L3MBTL4: variants seen among roughly 807,000 people sequenced by gnomAD.
L3MBTL4 encodes lethal(3)malignant brain tumor-like protein 4.
A neutral mutation model predicts 84.5 loss-of-function variants in L3MBTL4; 70 were observed. The observed-to-expected ratio is 0.83, with a 90% CI of 0.68 to 1.01. L3MBTL4 has a LOEUF of 1.01. Ranked by LOEUF, L3MBTL4 falls within the 50% of genes least tolerant of loss-of-function variation. L3MBTL4 has a pLI of 0.00. For missense variants in L3MBTL4, 715 were observed against 754.8 expected, an observed-to-expected ratio of 0.95 and a Z score of 0.62; for synonymous variants, 274 against 259.8, an observed-to-expected ratio of 1.05 and a Z score of -0.52.
intron 1 of L3MBTL4, among the ~76,000 whole-genome samples, chr18:6,404,210 T>A (rs1758019355): frequency 6.6e-6 from 1 of 152,184 alleles, no homozygotes; most frequent in Non-Finnish European, 1.5e-5. Context: ...CTTACCCATG[T>A]GATAAAAACC....
At chr18:6,405,790 T>C (rs2055710335) in intron 1 of L3MBTL4, among the ~76,000 whole-genome samples, 2 of 152,336 alleles carry the variant, frequency 1.3e-5, no homozygotes, top group South Asian at 4.1e-4. Context: ...GGAATGCAGC[T>C]GAAGAAATAA....
In L3MBTL4 at chr18:6,414,179, C is replaced by G. The variant is rs1264068418; in HGVS notation, c.-91+622G>C. 6.6e-6 allele frequency: 1 copy of G among 152,332 alleles called. No homozygotes were observed. Among genetic ancestry groups the G allele is most frequent in the Non-Finnish European group, 1.5e-5 (1 of 68,136 alleles). 9.4% of individuals were successfully genotyped at this position (152,332 alleles called of 1,614,324 possible). A position where few individuals can be genotyped will look rare whatever the true frequency, so the allele number is the denominator to read the frequency against. On this transcript the variant is annotated intron_variant, in intron 1 of 18. Transcript: ENST00000317931. This position sits in a 1 kb window ranked among gnomAD's most constrained non-coding sequence, Gnocchi z 5.4. Reference sequence around the variant, plus strand: ...GTCCCAGGCTGGCCAGGCGCCCGCCCGCCCTGCGCGCACTCCCTGGGCTCC... The same window carrying G: ...GTCCCAGGCTGGCCAGGCGCCCGCCGGCCCTGCGCGCACTCCCTGGGCTCC...
At chr18:6,084,339 C>G (rs142209489) in intron 15 of L3MBTL4, among the ~76,000 whole-genome samples, 179 of 152,182 alleles carry the variant, frequency 1.2e-3, no homozygotes, top group Non-Finnish European at 2.1e-3. Flanking sequence ...TAGCAGAGAC[C>G]TTTATAGCTG....
intron 1 of L3MBTL4, among the ~76,000 whole-genome samples, chr18:6,327,079 C>A (rs887529991): frequency 6.6e-6 from 1 of 152,192 alleles, no homozygotes; most frequent in African/African-American, 2.4e-5. Context: ...TATAAGTATC[C>A]TCTTCTACCC....
chr18:6,363,779 A>G (rs1318180079), intron 1 of L3MBTL4, among the ~76,000 whole-genome samples: 1 of 152,186 alleles, frequency 6.6e-6, no homozygotes, highest in Non-Finnish European at 1.5e-5. Flanking sequence ...TCCCATGCCC[A>G]CTTAACCACT....
At chr18:6,089,835 T>C (rs934410753) in intron 15 of L3MBTL4, among the ~76,000 whole-genome samples, 3 of 152,234 alleles carry the variant, frequency 2.0e-5, no homozygotes, top group Non-Finnish European at 4.4e-5. Flanking sequence ...ATTGCTAATG[T>C]ACTGTACTGA....
intron 16 of L3MBTL4, among the ~76,000 whole-genome samples, chr18:6,009,260 T>C (rs2054626453): frequency 6.6e-6 from 1 of 152,062 alleles, no homozygotes; most frequent in South Asian, 2.1e-4. Flanking sequence ...ACAGTACAGG[T>C]AGGTGTTAGT....
intron 16 of L3MBTL4, among the ~76,000 whole-genome samples, chr18:6,020,812 T>C (rs942905307): frequency 2.0e-5 from 3 of 152,098 alleles, no homozygotes; most frequent in African/African-American, 7.2e-5. Context: ...ATAATAAATT[T>C]GGTTTGGACT....
At chr18:6,124,883 G>T (rs8096964) in intron 14 of L3MBTL4, among the ~76,000 whole-genome samples, 45,598 of 151,734 alleles carry the variant, frequency 0.3, 7,229 homozygotes, top group East Asian at 0.49. Context: ...GATCTCTATT[G>T]CTTTAAAAAT....
chr18:6,002,660 T>C (rs1250066709), intron 16 of L3MBTL4, among the ~76,000 whole-genome samples: 1 of 151,956 alleles, frequency 6.6e-6, no homozygotes, highest in African/African-American at 2.4e-5. Context: ...ATAATGTACA[T>C]GGTCATCACA....
intron 1 of L3MBTL4, chr18:6,396,978 C>T (rs577497648): frequency 8.4e-4 from 128 of 152,180 alleles, no homozygotes; most frequent in African/African-American, 2.9e-3. Flanking sequence ...AACAAGTAAA[C>T]GTTTTAAGTG....
intron 1 of L3MBTL4, among the ~76,000 whole-genome samples, chr18:6,362,895 AG>A (rs1481600353): frequency 2.0e-5 from 3 of 152,258 alleles, no homozygotes; most frequent in Admixed American, 6.5e-5. Flanking sequence ...AGGCTGGAGA[AG>A]GAAGTGTGGG....
intron 16 of L3MBTL4, chr18:6,017,606 C>T (rs888048693): frequency 2.0e-5 from 3 of 152,136 alleles, no homozygotes; most frequent in African/African-American, 7.2e-5. Flanking sequence ...AGGAGGCAGA[C>T]TCTTGGGTAA....
At chr18:6,080,012 A>C (rs190068192) in intron 16 of L3MBTL4, 134 of 152,372 alleles carry the variant, frequency 8.8e-4, no homozygotes, top group African/African-American at 2.9e-3. Flanking sequence ...CTCTGCCTGA[A>C]GTGAGCAGTT....
intron 1 of L3MBTL4, among the ~76,000 whole-genome samples, chr18:6,366,724 A>G (rs143702900): frequency 7.9e-5 from 12 of 152,358 alleles, no homozygotes; most frequent in African/African-American, 1.4e-4. Flanking sequence ...ATGTTGTGAC[A>G]GGAAAACTCA....
chr18:6,143,789 T>C lies in L3MBTL4; in HGVS notation c.1097-5493A>G, dbSNP rs773616365. 1.2e-4 allele frequency among the ~76,000 whole-genome samples: 18 copies of C among 152,314 alleles called. No homozygotes were observed. In the South Asian group the frequency reaches 1.2e-3, roughly 11 times the overall value. ...TCTCCCTTCACTAGAGTGAGGACATTTACCTTATCTAACTTGTCTACCACT... is the reference window on the plus strand; with the variant it reads ...TCTCCCTTCACTAGAGTGAGGACATCTACCTTATCTAACTTGTCTACCACT... On this transcript the variant is annotated intron_variant, in intron 13 of 18. Coordinates refer to ENST00000317931, the MANE Select transcript of L3MBTL4 (RefSeq NM_001330559.2).
At chr18:6,339,992 AT>A (rs972780831) in intron 1 of L3MBTL4, among the ~76,000 whole-genome samples, 1 of 152,154 alleles carries the variant, frequency 6.6e-6, no homozygotes, top group Admixed American at 6.5e-5. Context: ...TCTTCCAAAT[AT>A]TTTTTTAAAA....
intron 4 of L3MBTL4, among the ~76,000 whole-genome samples, chr18:6,292,399 GAAT>G (rs1212828440): frequency 1.3e-5 from 2 of 152,152 alleles, no homozygotes; most frequent in African/African-American, 4.8e-5. Flanking sequence ...TCTCCTAATA[GAAT>G]AATGTTGGCT....
At chr18:6,155,511 G>T (rs1461872970) in intron 13 of L3MBTL4, among the ~76,000 whole-genome samples, 1 of 152,168 alleles carries the variant, frequency 6.6e-6, no homozygotes, top group Non-Finnish European at 1.5e-5. Flanking sequence ...ATGCACAGGT[G>T]CACAGAGCTG....
Sources: allele counts gnomAD v4.1 joint callset (sites outside exome capture counted in the v4.1 genomes callset), GRCh38; gene constraint gnomAD v4.1.1; non-coding constraint Gnocchi (gnomAD v3.1); transcripts MANE v1.5; gene names NCBI Gene and HGNC (gene_info 2026-07-23, HGNC 2026-07-21).